RSPO2: variants seen among roughly 807,000 people sequenced by gnomAD.
The protein encoded by RSPO2 is R-spondin-2.
Under a neutral mutation model 30.9 loss-of-function variants are expected in RSPO2, and 14 were observed. The ratio of observed to expected loss-of-function variants is 0.45; its 90% CI spans 0.30 to 0.71. RSPO2 has a LOEUF of 0.71. Ranked by LOEUF, RSPO2 falls within the 30% of genes least tolerant of loss-of-function variation. The pLI is 0.08. For missense variants in RSPO2, 264 were observed against 301.9 expected (o/e 0.87, Z 0.93); for synonymous variants, 107 against 96.4 (o/e 1.11, Z -0.64).
intron 3 of RSPO2, among the ~76,000 whole-genome samples, chr8:107,980,662 T>TC (rs965183535): frequency 1.3e-5 from 2 of 152,154 alleles, no homozygotes; most frequent in African/African-American, 4.8e-5. Flanking sequence ...TTGTCACTGG[T>TC]CCTTTCACCC....
intron 2 of RSPO2, among the ~76,000 whole-genome samples, chr8:108,063,355 G>GTA: frequency 6.6e-6 from 1 of 151,580 alleles, no homozygotes; most frequent in Non-Finnish European, 1.5e-5. Context: ...AAATCAACCG[G>GTA]CAAAAATCAC....
intron 2 of RSPO2, among the ~76,000 whole-genome samples, chr8:108,033,732 C>T (rs1586645134): frequency 6.6e-6 from 1 of 152,182 alleles, no homozygotes; most frequent in East Asian, 1.9e-4. Context: ...TACTTGTATA[C>T]TGTGTTTTCC....
chr8:107,959,222 C>G (rs1273103691), intron 4 of RSPO2, among the ~76,000 whole-genome samples: 1 of 152,142 alleles, frequency 6.6e-6, no homozygotes, highest in African/African-American at 2.4e-5. Context: ...TTCTGGAGAC[C>G]ACAGTTCTTA....
chr8:108,077,160 CTTGT>C (rs1301296899), intron 2 of RSPO2, among the ~76,000 whole-genome samples: 21 of 152,194 alleles, frequency 1.4e-4, no homozygotes, highest in South Asian at 2.1e-4. Context: ...TAATATTTTT[CTTGT>C]TTGTTAATTT....
At chr8:107,910,025 A>G (rs1451237885) in intron 5 of RSPO2, among the ~76,000 whole-genome samples, 6 of 152,198 alleles carry the variant, frequency 3.9e-5, no homozygotes, top group Non-Finnish European at 8.8e-5. Flanking sequence ...TGGCACTCCT[A>G]AATTAAGTCA....
intron 5 of RSPO2, among the ~76,000 whole-genome samples, chr8:107,935,424 T>A (rs1192163205): frequency 2.6e-5 from 4 of 152,102 alleles, no homozygotes; most frequent in Non-Finnish European, 5.9e-5. Context: ...AAAATTCTTA[T>A]CCTCCTGGGA....
chr8:108,077,353 G>A (rs1411142440), intron 2 of RSPO2, among the ~76,000 whole-genome samples: 2 of 152,080 alleles, frequency 1.3e-5, no homozygotes, highest in Non-Finnish European at 2.9e-5. Flanking sequence ...TTTGGGATTA[G>A]AGGAACAGCA....
intron 2 of RSPO2, among the ~76,000 whole-genome samples, chr8:108,053,023 G>A (rs1183119339): frequency 2.0e-5 from 3 of 152,120 alleles, no homozygotes; most frequent in Non-Finnish European, 4.4e-5. Flanking sequence ...AACCTAGGTA[G>A]GGTATTATTT....
chr8:107,902,991 A>C (rs1811526464), intron 5 of RSPO2, among the ~76,000 whole-genome samples: 1 of 152,108 alleles, frequency 6.6e-6, no homozygotes, highest in Non-Finnish European at 1.5e-5. Context: ...TAATCAAAGC[A>C]GCTGTAAAGT....
intron 2 of RSPO2, among the ~76,000 whole-genome samples, chr8:108,005,516 C>G (rs775589268): frequency 2.7e-5 from 4 of 149,468 alleles, no homozygotes; most frequent in Non-Finnish European, 5.9e-5. Flanking sequence ...TTTCCCTTCT[C>G]CCTCATTTGT....
chr8:108,051,700 A>T (rs2130680312), intron 2 of RSPO2, among the ~76,000 whole-genome samples: 1 of 152,282 alleles, frequency 6.6e-6, no homozygotes, highest in South Asian at 2.1e-4. Context: ...GTATAAATCC[A>T]ATACTCAGAT....
At chr8:108,079,380 G>A (rs1000267372) in intron 2 of RSPO2, among the ~76,000 whole-genome samples, 11 of 152,048 alleles carry the variant, frequency 7.2e-5, no homozygotes, top group Non-Finnish European at 1.3e-4. Flanking sequence ...ATGGTAGGTA[G>A]GTAGTCTTAT....
intron 5 of RSPO2, among the ~76,000 whole-genome samples, chr8:107,932,971 T>C (rs10088195): frequency 0.046 from 7,031 of 152,224 alleles, 297 homozygotes; most frequent in African/African-American, 0.11. Context: ...GGCAAGAAGA[T>C]AGAGAAATTA....
intron 2 of RSPO2, among the ~76,000 whole-genome samples, chr8:108,029,054 CTTTTTT>C (rs71308771): frequency 6.5e-4 from 17 of 26,142 alleles, no homozygotes; most frequent in African/African-American, 1.2e-3. Flanking sequence ...TAACATGAGT[CTTTTTT>C]TTTTTTTTTT....
chr8:107,971,410 T>G (rs747146280), intron 3 of RSPO2, among the ~76,000 whole-genome samples: 1 of 152,186 alleles, frequency 6.6e-6, no homozygotes, highest in African/African-American at 2.4e-5. Context: ...TTTTAGAGTA[T>G]CAGTTTGATA....
chr8:108,029,827 C>G (rs543074977), intron 2 of RSPO2, among the ~76,000 whole-genome samples: 8 of 152,246 alleles, frequency 5.3e-5, no homozygotes, highest in African/African-American at 1.9e-4. Context: ...ACTCTTAAGT[C>G]TGACTGAGAC....
At chr8:108,065,017 G>C (rs1812614022) in intron 2 of RSPO2, among the ~76,000 whole-genome samples, 1 of 151,864 alleles carries the variant, frequency 6.6e-6, no homozygotes, top group Non-Finnish European at 1.5e-5. Context: ...ACCGGGGCCT[G>C]TTGTGGGGTG....
rs1309530629 is a variant in RSPO2, at chr8:107,974,226, C to A, written c.284-13409G>T. ...TTCTGGTCAGGTGCAGCGGCTTATG[C>A]CAGTAATTCCAACACTTTGGGAGGC... is the stretch of plus-strand genomic sequence containing the variant. On this transcript the variant is annotated intron_variant, in intron 3 of 5. Coordinates refer to ENST00000276659, the MANE Select transcript of RSPO2 (RefSeq NM_178565.5). 2.0e-5 allele frequency among the ~76,000 whole-genome samples: 3 copies of A among 151,710 alleles called. No homozygotes were observed. The East Asian group carries it at 5.8e-4, about 29-fold the overall frequency.
rs539295178 is a variant in RSPO2, at chr8:107,919,042, A to G, written c.617-17852T>C. ...GTCGGTATTAAAACTATAGATAACAATACTAACACCTTTGCCATATAAGCC... is the reference window on the plus strand; with the variant it reads ...GTCGGTATTAAAACTATAGATAACAGTACTAACACCTTTGCCATATAAGCC... On this transcript the variant is annotated intron_variant, in intron 5 of 5. Coordinates refer to ENST00000276659, the MANE Select transcript of RSPO2 (RefSeq NM_178565.5). Among the ~76,000 whole-genome samples, 9 of 152,212 alleles carry G rather than the reference A, an allele frequency of 5.9e-5. No individual in the cohort carries two copies. The East Asian group carries it at 1.7e-3, about 29-fold the overall frequency.
Sources: gnomAD v4.1 joint callset for allele counts (sites outside exome capture counted in the v4.1 genomes callset) on GRCh38, gnomAD v4.1.1 for gene constraint, MANE v1.5 for transcripts, NCBI Gene and HGNC (gene_info 2026-07-23, HGNC 2026-07-21) for gene names.